The following CNTN5 variants were observed in gnomAD, a reference collection of about 807,000 sequenced individuals.
CNTN5 encodes contactin 5.
In CNTN5, 77 loss-of-function variants were observed where a neutral mutation model predicts 129.1. The observed-to-expected ratio is 0.60, with a 90% CI of 0.50 to 0.72. The LOEUF (loss-of-function observed/expected upper bound fraction) is 0.72, where lower values mean the gene tolerates loss of function less well. Among genes scored for constraint, CNTN5 ranks in the 30% least tolerant of loss-of-function variants. The pLI, the probability that CNTN5 is intolerant of heterozygous loss-of-function variation, is 0.00. For synonymous variants in CNTN5, 509 were observed against 465.6 expected, an observed-to-expected ratio of 1.09 and a Z score of -1.20; for missense variants, 1,478 against 1,328.8, an observed-to-expected ratio of 1.11 and a Z score of -1.75.
At chr11:99,400,766 G>A (rs1034370882) in intron 2 of CNTN5, among the ~76,000 whole-genome samples, 7 of 152,082 alleles carry the variant, frequency 4.6e-5, no homozygotes, top group Non-Finnish European at 1.0e-4. Flanking sequence ...TTGGATATAA[G>A]CCATTTTAAC....
intron 15 of CNTN5, among the ~76,000 whole-genome samples, chr11:100,194,680 G>A (rs73562470): frequency 0.031 from 4,701 of 151,474 alleles, 242 homozygotes; most frequent in African/African-American, 0.11. Flanking sequence ...AGTCAGCTGT[G>A]TAACATAAAG....
intron 7 of CNTN5, among the ~76,000 whole-genome samples, chr11:99,919,163 C>T (rs527241208): frequency 6.6e-6 from 1 of 152,118 alleles, no homozygotes; most frequent in Non-Finnish European, 1.5e-5. Context: ...CCTGTCTTTA[C>T]GTGCTCTTTT....
intron 1 of CNTN5, among the ~76,000 whole-genome samples, chr11:99,100,734 A>T (rs1866691655): frequency 1.3e-5 from 2 of 152,176 alleles, no homozygotes. Context: ...AAATATATTC[A>T]AATAAAATTT....
At chr11:99,156,442 T>C (rs1053312549) in intron 1 of CNTN5, among the ~76,000 whole-genome samples, 1 of 152,068 alleles carries the variant, frequency 6.6e-6, no homozygotes, top group African/African-American at 2.4e-5. Context: ...CTGGCATTCT[T>C]ATGCTCTGCT....
intron 8 of CNTN5, among the ~76,000 whole-genome samples, chr11:99,957,740 A>C (rs1242637551): frequency 6.6e-6 from 1 of 152,094 alleles, no homozygotes; most frequent in Admixed American, 6.6e-5. Context: ...AAAATAATCT[A>C]TTTAAGTGCT....
At chr11:100,109,160 G>A (rs965713451) in intron 13 of CNTN5, among the ~76,000 whole-genome samples, 23 of 152,148 alleles carry the variant, frequency 1.5e-4, no homozygotes, top group Admixed American at 4.6e-4. Context: ...CAGGTACAGT[G>A]CTCACTCCTG....
chr11:99,690,459 G>T (rs546910380), intron 3 of CNTN5, among the ~76,000 whole-genome samples: 1 of 152,094 alleles, frequency 6.6e-6, no homozygotes, highest in South Asian at 2.1e-4. Context: ...CTCTTTCTTG[G>T]TTCCTTATAA....
intron 2 of CNTN5, among the ~76,000 whole-genome samples, chr11:99,348,482 T>G (rs2136075445): frequency 6.6e-6 from 1 of 152,288 alleles, no homozygotes; most frequent in East Asian, 1.9e-4. Context: ...TCTGCTGAGG[T>G]TAAGTTCGGT....
chr11:99,228,364 G>T (rs76071899), intron 1 of CNTN5, among the ~76,000 whole-genome samples: 1 of 152,066 alleles, frequency 6.6e-6, no homozygotes. Flanking sequence ...CACAAAGAAA[G>T]ATTGGTTAAC....
chr11:99,797,219 G>A (rs1053617981), intron 3 of CNTN5, among the ~76,000 whole-genome samples: 1 of 152,142 alleles, frequency 6.6e-6, no homozygotes, highest in African/African-American at 2.4e-5. Flanking sequence ...ACATAGGAGT[G>A]CAGGCGTAAT....
chr11:99,514,952 A>G (rs1476262393), intron 2 of CNTN5, among the ~76,000 whole-genome samples: 3 of 152,092 alleles, frequency 2.0e-5, no homozygotes, highest in Non-Finnish European at 4.4e-5. Flanking sequence ...AGAAAGGAAG[A>G]TATTAGACTT....
chr11:100,030,556 C>G (rs1941655630), intron 9 of CNTN5, among the ~76,000 whole-genome samples: 1 of 152,116 alleles, frequency 6.6e-6, no homozygotes, highest in Non-Finnish European at 1.5e-5. Flanking sequence ...ACAAGTGTGC[C>G]ATGTATTGTG....
At chr11:99,434,865 T>A (rs948658170) in intron 2 of CNTN5, among the ~76,000 whole-genome samples, 1 of 152,202 alleles carries the variant, frequency 6.6e-6, no homozygotes, top group Non-Finnish European at 1.5e-5. Flanking sequence ...TGAATTAAAA[T>A]GAACATCATA....
At chr11:99,187,489 A>G (rs1270149045) in intron 1 of CNTN5, among the ~76,000 whole-genome samples, 1 of 151,886 alleles carries the variant, frequency 6.6e-6, no homozygotes, top group Non-Finnish European at 1.5e-5. Flanking sequence ...GTATCTTAAC[A>G]TGAATTAAAA....
chr11:100,186,771 C>G (rs1478938734), intron 13 of CNTN5, among the ~76,000 whole-genome samples: 2 of 152,092 alleles, frequency 1.3e-5, no homozygotes, highest in Admixed American at 6.5e-5. Context: ...TATGAAAATT[C>G]TATAATGTAG....
Position 100,251,320 on chromosome 11 carries a change from T to C in CNTN5, c.2006-4440T>C, listed in dbSNP as rs561647799. ...TTAATTCACAAATAATAATTGTATG[T>C]ATCCCAGGATGTACATAGTGATGCT... On this transcript the variant is annotated intron_variant, in intron 16 of 24. Coordinates refer to ENST00000524871, the MANE Select transcript of CNTN5 (RefSeq NM_014361.4). 1.4e-4 allele frequency among the ~76,000 whole-genome samples: 21 copies of C among 152,304 alleles called. No homozygotes were observed. The South Asian group carries it at 3.7e-3, about 27-fold the overall frequency.
At chr11:99,717,482 G>T (rs1412851461) in intron 3 of CNTN5, among the ~76,000 whole-genome samples, 3 of 152,002 alleles carry the variant, frequency 2.0e-5, no homozygotes, top group African/African-American at 7.2e-5. Flanking sequence ...AAAAATAAGA[G>T]TATAGTATTT....
At chr11:99,487,607 T>C (rs1945867677) in intron 2 of CNTN5, among the ~76,000 whole-genome samples, 1 of 152,202 alleles carries the variant, frequency 6.6e-6, no homozygotes, top group South Asian at 2.1e-4. Flanking sequence ...TTCCTTATGT[T>C]GTGTTTCATT....
intron 7 of CNTN5, among the ~76,000 whole-genome samples, chr11:99,927,529 A>T (rs888085148): frequency 2.0e-5 from 3 of 152,170 alleles, no homozygotes; most frequent in African/African-American, 7.2e-5. Flanking sequence ...AAGTCATGGC[A>T]AAAGGGAAAG....
Sources: gnomAD v4.1 joint callset for allele counts (sites outside exome capture counted in the v4.1 genomes callset) on GRCh38, gnomAD v4.1.1 for gene constraint, MANE v1.5 for transcripts, NCBI Gene and HGNC (gene_info 2026-07-23, HGNC 2026-07-21) for gene names.